The following CSNK2A2IP variants were observed in gnomAD, a reference collection of about 807,000 sequenced individuals.
The protein encoded by CSNK2A2IP is casein kinase II subunit alpha'-interacting protein.
the CSNK2A2IP span, chr3:88,466,980 G>A: frequency 8.1e-7 from 1 of 1,230,300 alleles, no homozygotes; most frequent in Non-Finnish European, 1.0e-6. Flanking sequence ...AAGAAAACCA[G>A]CCTAATGAAG....
chr3:88,361,267 C>G, the CSNK2A2IP span, among the ~76,000 whole-genome samples: 1 of 152,304 alleles, frequency 6.6e-6, no homozygotes, highest in East Asian at 1.9e-4. Flanking sequence ...GACTGAAGAA[C>G]ACCTTTTAGC....
the CSNK2A2IP span, among the ~76,000 whole-genome samples, chr3:88,418,463 T>TGCGCGC: frequency 1.5e-4 from 22 of 149,626 alleles, no homozygotes; most frequent in East Asian, 6.1e-4. Flanking sequence ...TGTGTGTGTG[T>TGCGCGC]GCGCGCGGGC....
At chr3:88,418,470 G>A in the CSNK2A2IP span, among the ~76,000 whole-genome samples, 3 of 151,872 alleles carry the variant, frequency 2.0e-5, no homozygotes, top group Non-Finnish European at 2.9e-5. Flanking sequence ...GTGTGCGCGC[G>A]GGCGTGTGTT....
At chr3:88,395,366 T>G in the CSNK2A2IP span, among the ~76,000 whole-genome samples, 1 of 152,184 alleles carries the variant, frequency 6.6e-6, no homozygotes, top group Non-Finnish European at 1.5e-5. Context: ...GAAATAAGGG[T>G]CAAATTTAGT....
chr3:88,356,857 G>A, the CSNK2A2IP span, among the ~76,000 whole-genome samples: 2 of 152,046 alleles, frequency 1.3e-5, no homozygotes, highest in Non-Finnish European at 2.9e-5. Context: ...TAATGGTATT[G>A]AGCATTTTTC....
chr3:88,389,134 A>T, the CSNK2A2IP span, among the ~76,000 whole-genome samples: 5 of 152,162 alleles, frequency 3.3e-5, no homozygotes, highest in African/African-American at 1.2e-4. Flanking sequence ...CCATAGAACA[A>T]TAAGAGAGCA....
At chr3:88,425,773 T>C in the CSNK2A2IP span, among the ~76,000 whole-genome samples, 1 of 152,166 alleles carries the variant, frequency 6.6e-6, no homozygotes, top group Admixed American at 6.6e-5. Flanking sequence ...CCTTATGTCA[T>C]TTATGAAGAG....
chr3:88,350,970 G>A, the CSNK2A2IP span, among the ~76,000 whole-genome samples: 1 of 152,140 alleles, frequency 6.6e-6, no homozygotes, highest in African/African-American at 2.4e-5. Flanking sequence ...CTGTCAGGCA[G>A]AAGAGCAAGA....
At chr3:88,444,757 T>C in the CSNK2A2IP span, among the ~76,000 whole-genome samples, 1 of 152,340 alleles carries the variant, frequency 6.6e-6, no homozygotes, top group East Asian at 1.9e-4. Flanking sequence ...ATGTGTAACC[T>C]ACCAAATTAT....
At chr3:88,339,559 C>T in the CSNK2A2IP span, among the ~76,000 whole-genome samples, 1 of 151,986 alleles carries the variant, frequency 6.6e-6, no homozygotes, top group Non-Finnish European at 1.5e-5. Flanking sequence ...GCTTTATACC[C>T]AGCACTCACA....
chr3:88,344,828 C>G, the CSNK2A2IP span, among the ~76,000 whole-genome samples: 2 of 151,914 alleles, frequency 1.3e-5, no homozygotes, highest in Non-Finnish European at 2.9e-5. Context: ...GGAAATTTCA[C>G]TAGTTGACAG....
chr3:88,361,740 T>C, the CSNK2A2IP span, among the ~76,000 whole-genome samples: 1 of 152,112 alleles, frequency 6.6e-6, no homozygotes, highest in East Asian at 1.9e-4. Flanking sequence ...CCTCCTCTGT[T>C]AGGCCAATAA....
the CSNK2A2IP span, among the ~76,000 whole-genome samples, chr3:88,405,009 C>A: frequency 6.6e-6 from 1 of 152,142 alleles, no homozygotes; most frequent in Non-Finnish European, 1.5e-5. Context: ...GTTTGATTGA[C>A]CTAACCTACT....
the CSNK2A2IP span, among the ~76,000 whole-genome samples, chr3:88,355,574 T>C: frequency 4.6e-5 from 7 of 152,184 alleles, no homozygotes; most frequent in African/African-American, 1.2e-4. Context: ...CTTTCTGATA[T>C]GTAGTTTCAA....
the CSNK2A2IP span, among the ~76,000 whole-genome samples, chr3:88,397,384 C>T: frequency 6.6e-6 from 1 of 152,122 alleles, no homozygotes; most frequent in Non-Finnish European, 1.5e-5. Flanking sequence ...AGATGCTGCA[C>T]TTGTAACATT....
At chr3:88,356,141 A>G in the CSNK2A2IP span, among the ~76,000 whole-genome samples, 1 of 152,096 alleles carries the variant, frequency 6.6e-6, no homozygotes, top group South Asian at 2.1e-4. Context: ...ACAATAAGTT[A>G]TTGTTTACCA....
At chr3:88,383,915 G>T in the CSNK2A2IP span, among the ~76,000 whole-genome samples, 1 of 151,848 alleles carries the variant, frequency 6.6e-6, no homozygotes, top group Non-Finnish European at 1.5e-5. Flanking sequence ...TGCCTGCCTC[G>T]GCCTCCCAAA....
At chr3:88,384,619 C>T in the CSNK2A2IP span, among the ~76,000 whole-genome samples, 2 of 152,126 alleles carry the variant, frequency 1.3e-5, no homozygotes, top group Non-Finnish European at 2.9e-5. Context: ...CCTGAAACCA[C>T]TTCATACAAG....
the CSNK2A2IP span, among the ~76,000 whole-genome samples, chr3:88,366,791 G>GTAAC: frequency 6.6e-6 from 1 of 152,074 alleles, no homozygotes; most frequent in Non-Finnish European, 1.5e-5. Flanking sequence ...TGAAAAAGAC[G>GTAAC]TAACTGAGAC....
Sources: gnomAD v4.1 joint callset for allele counts (sites outside exome capture counted in the v4.1 genomes callset) on GRCh38, gnomAD v4.1.1 for gene constraint, MANE v1.5 for transcripts, NCBI Gene and HGNC (gene_info 2026-07-23, HGNC 2026-07-21) for gene names.